Variants in PDE1C observed in about 807,000 individuals in gnomAD.
PDE1C encodes the protein dual specificity calcium/calmodulin-dependent 3',5'-cyclic nucleotide phosphodiesterase 1C.
Under a neutral mutation model 93.1 loss-of-function variants are expected in PDE1C, and 62 were observed. The observed-to-expected ratio is 0.67, with a 90% CI of 0.54 to 0.82. The LOEUF is 0.82. Among genes scored for constraint, PDE1C ranks in the 40% least tolerant of loss-of-function variants. The pLI is 0.00. For synonymous variants in PDE1C, 325 were observed against 310.1 expected (o/e 1.05, Z -0.50); for missense variants, 742 against 884.6 (o/e 0.84, Z 2.04).
At chr7:31,997,163 C>A (rs1325513304) in intron 2 of PDE1C, among the ~76,000 whole-genome samples, 1 of 152,156 alleles carries the variant, frequency 6.6e-6, no homozygotes, top group Non-Finnish European at 1.5e-5. Flanking sequence ...TGGATATGGG[C>A]TTTTTAGTAG....
intron 1 of PDE1C, among the ~76,000 whole-genome samples, chr7:32,344,980 A>C (rs1395953034): frequency 6.6e-6 from 1 of 152,164 alleles, no homozygotes; most frequent in Admixed American, 6.5e-5. Flanking sequence ...GTTTTAGCTA[A>C]AACTGAGGTT....
chr7:31,616,779 G>T, the PDE1C span, among the ~76,000 whole-genome samples: 1 of 148,120 alleles, frequency 6.8e-6, no homozygotes, highest in Non-Finnish European at 1.5e-5. Context: ...AAACCAAAAA[G>T]GTTTCTAAAT....
chr7:31,742,109 A>G, the PDE1C span, among the ~76,000 whole-genome samples: 1 of 152,236 alleles, frequency 6.6e-6, no homozygotes, highest in Non-Finnish European at 1.5e-5. Flanking sequence ...CTAGATCAGG[A>G]ATAAAGGCAT....
intron 3 of PDE1C, among the ~76,000 whole-genome samples, chr7:32,124,514 C>G (rs1398160445): frequency 6.6e-6 from 1 of 152,058 alleles, no homozygotes; most frequent in African/African-American, 2.4e-5. Flanking sequence ...ACATATAGAC[C>G]AATGGAACAG....
At chr7:32,022,277 A>G (rs533037592) in intron 2 of PDE1C, among the ~76,000 whole-genome samples, 69 of 152,266 alleles carry the variant, frequency 4.5e-4, no homozygotes, top group Non-Finnish European at 7.9e-4. Context: ...GAGTAGCAAG[A>G]ATGTTAAATG....
Position 32,127,343 on chromosome 7 carries a change from C to A in PDE1C, c.308+42442G>T, listed in dbSNP as rs79471265. ...TATTGGTTCTGTACCTCTGGAGAAC[C>A]CTGACTAATACAGGCAATAATGTAG... On this transcript the variant is annotated intron_variant, in intron 3 of 18. Coordinates refer to the PDE1C transcript ENST00000396193. Among the ~76,000 whole-genome samples the A allele has an allele frequency of 2.6e-4, 39 of 151,990 alleles. No individual in the cohort carries two copies. The East Asian group carries it at 7.6e-3, about 29-fold the overall frequency.
chr7:31,804,564 C>A (rs1285165703), intron 16 of PDE1C, among the ~76,000 whole-genome samples: 2 of 151,806 alleles, frequency 1.3e-5, no homozygotes, highest in African/African-American at 4.8e-5. Flanking sequence ...TTTTCTTCTT[C>A]ACAATTGCAT....
chr7:31,970,617 TA>T (rs1180462495), intron 2 of PDE1C, among the ~76,000 whole-genome samples: 1 of 152,242 alleles, frequency 6.6e-6, no homozygotes, highest in African/African-American at 2.4e-5. Flanking sequence ...AAACAACTTG[TA>T]AAACTATTTT....
In PDE1C at chr7:32,181,585, T is replaced by A. The variant is rs529069788; in HGVS notation, c.137-11629A>T. Among the ~76,000 whole-genome samples, 1,327 of 151,972 alleles carry A rather than the reference T, an allele frequency of 8.7e-3. 22 individuals carry two copies. The highest frequency in any genetic ancestry group is 0.03 in the African/African-American group (1,246 of 41,464). ...AACGAAATGAAGGCAGAAATAAAGA[T>A]GTTCTTTGAAACCAACGAGAACAAA... On this transcript the variant is annotated intron_variant, in intron 2 of 18. Coordinates refer to the PDE1C transcript ENST00000396193.
intron 1 of PDE1C, among the ~76,000 whole-genome samples, chr7:32,222,376 A>G (rs888450551): frequency 1.3e-5 from 2 of 152,200 alleles, no homozygotes; most frequent in African/African-American, 2.4e-5. Context: ...ACACCTTTGC[A>G]TACTGTTTCC....
intron 2 of PDE1C, among the ~76,000 whole-genome samples, chr7:31,892,969 T>C (rs1218035467): frequency 6.6e-6 from 1 of 152,210 alleles, no homozygotes; most frequent in African/African-American, 2.4e-5. Context: ...GTTAATTAGA[T>C]TGATTTAATC....
the PDE1C span, among the ~76,000 whole-genome samples, chr7:31,687,848 C>A: frequency 6.6e-5 from 10 of 152,140 alleles, no homozygotes; most frequent in Admixed American, 6.5e-4. Context: ...AACCTTCTAC[C>A]CTTTTATTCC....
chr7:31,889,231 G>T (rs920840682), intron 2 of PDE1C, among the ~76,000 whole-genome samples: 18 of 152,284 alleles, frequency 1.2e-4, no homozygotes, highest in Admixed American at 3.3e-4. Context: ...TACATATCAA[G>T]ACTTATTATA....
chr7:31,707,570 C>T, the PDE1C span: 283 of 342,450 alleles, frequency 8.3e-4, no homozygotes, highest in African/African-American at 5.3e-3. Context: ...CACTGGGGTT[C>T]GGTTTCTGCA....
At chr7:32,108,930 T>G (rs545518277) in intron 3 of PDE1C, among the ~76,000 whole-genome samples, 1 of 152,186 alleles carries the variant, frequency 6.6e-6, no homozygotes, top group Non-Finnish European at 1.5e-5. Context: ...CAGTTCAGCC[T>G]TACCCCTGGC....
chr7:32,089,752 T>C (rs1797358879), intron 3 of PDE1C, among the ~76,000 whole-genome samples: 1 of 151,888 alleles, frequency 6.6e-6, no homozygotes, highest in South Asian at 2.1e-4. Context: ...AAAAAGAAAA[T>C]GTCCAAGCAT....
At chr7:32,415,407 C>G (rs778064154) in intron 1 of PDE1C, among the ~76,000 whole-genome samples, 7 of 152,024 alleles carry the variant, frequency 4.6e-5, no homozygotes, top group Admixed American at 4.6e-4. Flanking sequence ...GCCGAGATCA[C>G]GCCACTGCAC....
At chr7:31,864,908 T>G in intron 7 of PDE1C, 34 bp downstream of exon 7, 1 of 1,601,910 alleles carries the variant, frequency 6.2e-7, no homozygotes, top group South Asian at 1.1e-5. Flanking sequence ...CCTTACATCT[T>G]TTGGGGAACC....
At chr7:32,332,578 C>T (rs1261848291) in intron 1 of PDE1C, among the ~76,000 whole-genome samples, 1 of 151,978 alleles carries the variant, frequency 6.6e-6, no homozygotes, top group Non-Finnish European at 1.5e-5. Context: ...CCAGAATATA[C>T]ATACCACAAT....
Sources: gnomAD v4.1 joint callset for allele counts (sites outside exome capture counted in the v4.1 genomes callset) on GRCh38, gnomAD v4.1.1 for gene constraint, MANE v1.5 for transcripts, NCBI Gene and HGNC (gene_info 2026-07-23, HGNC 2026-07-21) for gene names.